Variants in ARHGAP31 observed in about 807,000 individuals in gnomAD.
ARHGAP31 encodes the protein Rho GTPase activating protein 31, also known as rho GTPase-activating protein 31.
A neutral mutation model predicts 113.9 loss-of-function variants in ARHGAP31; 34 were observed. That is an observed-to-expected ratio of 0.30 (90% CI 0.23 to 0.40). The LOEUF (loss-of-function observed/expected upper bound fraction) is 0.40, where lower values mean the gene tolerates loss of function less well. Among genes scored for constraint, ARHGAP31 ranks in the 10% least tolerant of loss-of-function variants. The pLI, the probability that ARHGAP31 is intolerant of heterozygous loss-of-function variation, is 1.00. For missense variants in ARHGAP31, 1,548 were observed against 1,767.1 expected, an observed-to-expected ratio of 0.88 and a Z score of 2.22; for synonymous variants, 650 against 684.8, an observed-to-expected ratio of 0.95 and a Z score of 0.79.
intron 6 of ARHGAP31, among the ~76,000 whole-genome samples, chr3:119,388,753 C>G (rs2080476921): frequency 6.6e-6 from 1 of 152,110 alleles, no homozygotes; most frequent in South Asian, 2.1e-4. Context: ...AGCTTGGGCA[C>G]TGGGTGGTCC....
chr3:119,393,416 C>T (rs2080521958), intron 7 of ARHGAP31, 51 bp from the exon 8 acceptor site: 7 of 1,611,090 alleles, frequency 4.3e-6, no homozygotes, highest in Admixed American at 1.7e-5. Flanking sequence ...TTAAAAGTCC[C>T]CTTGAAATGA....
chr3:119,377,927 C>G (rs1373296603), intron 3 of ARHGAP31, among the ~76,000 whole-genome samples: 1 of 152,064 alleles, frequency 6.6e-6, no homozygotes, highest in Non-Finnish European at 1.5e-5. Context: ...CGTTGGGCCA[C>G]CCTGGTGACA....
At chr3:119,360,368 T>C (rs970234939) in intron 1 of ARHGAP31, among the ~76,000 whole-genome samples, 1 of 151,968 alleles carries the variant, frequency 6.6e-6, no homozygotes. Context: ...GATGGGGGAG[T>C]GCCTGTTTCC....
At chr3:119,336,066 T>A (rs1275261240) in intron 1 of ARHGAP31, among the ~76,000 whole-genome samples, 2 of 152,026 alleles carry the variant, frequency 1.3e-5, no homozygotes, top group Non-Finnish European at 2.9e-5. Context: ...TCCCAGCTAC[T>A]CTGGAGGATG....
At chr3:119,328,220 C>A (rs914518053) in intron 1 of ARHGAP31, among the ~76,000 whole-genome samples, 8 of 152,112 alleles carry the variant, frequency 5.3e-5, no homozygotes, top group Admixed American at 1.3e-4. Context: ...CCAAGTATAG[C>A]AGATTACTTG....
At chr3:119,362,947 G>C (rs950702328) in intron 1 of ARHGAP31, among the ~76,000 whole-genome samples, 16 of 152,248 alleles carry the variant, frequency 1.1e-4, no homozygotes, top group Admixed American at 1.0e-3. Context: ...GGTCATTGTG[G>C]AATGCTTCTT....
chr3:119,377,932 G>A (rs1272940162), intron 3 of ARHGAP31, among the ~76,000 whole-genome samples: 1 of 152,136 alleles, frequency 6.6e-6, no homozygotes, highest in Non-Finnish European at 1.5e-5. Context: ...GGCCACCCTG[G>A]TGACAGGGCT....
chr3:119,298,821 AT>A (rs2079555565), intron 1 of ARHGAP31: 1 of 193,448 alleles, frequency 5.2e-6, no homozygotes, highest in East Asian at 1.3e-4. Context: ...TGTCAGGGAC[AT>A]TTCTGAAGCA....
At chr3:119,351,731 C>T (rs544049762) in intron 1 of ARHGAP31, among the ~76,000 whole-genome samples, 1 of 152,278 alleles carries the variant, frequency 6.6e-6, no homozygotes, top group African/African-American at 2.4e-5. Context: ...TTGCTTCTCT[C>T]TCATTAATCT....
intron 1 of ARHGAP31, among the ~76,000 whole-genome samples, chr3:119,297,859 C>T (rs2079546193): frequency 1.3e-5 from 2 of 151,632 alleles, no homozygotes; most frequent in Non-Finnish European, 2.9e-5. Flanking sequence ...GGCCAGTTGT[C>T]AACCTTAATC....
intron 1 of ARHGAP31, among the ~76,000 whole-genome samples, chr3:119,364,746 C>T (rs2080239057): frequency 6.6e-6 from 1 of 152,166 alleles, no homozygotes; most frequent in Non-Finnish European, 1.5e-5. Flanking sequence ...TGTCCAAGCT[C>T]ACCACTGGTC....
chr3:119,372,579 G>A (rs899273248), intron 3 of ARHGAP31, among the ~76,000 whole-genome samples: 14 of 151,912 alleles, frequency 9.2e-5, no homozygotes, highest in Non-Finnish European at 1.5e-4. Flanking sequence ...CACCGCACCC[G>A]GCCTATTTTT....
At chr3:119,406,566 CT>C (rs566332873) in intron 10 of ARHGAP31, among the ~76,000 whole-genome samples, 126 of 152,330 alleles carry the variant, frequency 8.3e-4, no homozygotes, top group African/African-American at 2.3e-3. Flanking sequence ...GAGTCCATAG[CT>C]TTGTGAGCCT....
intron 1 of ARHGAP31, among the ~76,000 whole-genome samples, chr3:119,307,382 G>A (rs187006014): frequency 3.3e-5 from 5 of 152,242 alleles, no homozygotes; most frequent in African/African-American, 4.8e-5. Flanking sequence ...AAATCTTACC[G>A]TGTTTCAGCC....
At chr3:119,368,274 A>C in intron 2 of ARHGAP31, 98 bp from the exon 3 acceptor site, 2 of 1,459,390 alleles carry the variant, frequency 1.4e-6, no homozygotes, top group Non-Finnish European at 1.9e-6. Context: ...AGTCAGAATC[A>C]GCAGTTTAGG....
Position 119,419,030 on chromosome 3 carries a change from C to T in ARHGAP31, c.*2766C>T, listed in dbSNP as rs1301561471. On this transcript the variant is annotated 3_prime_UTR_variant, in exon 12 of 12. Coordinates refer to ENST00000264245, the MANE Select transcript of ARHGAP31 (RefSeq NM_020754.4). ...CCCACAAATTGTTCCCCCAAATGCT[C>T]TGGGATTACCTATTTCACCACTCAT... The T allele has an allele frequency of 6.6e-6, 1 of 152,158 alleles. No homozygotes were observed. Among genetic ancestry groups the T allele is most frequent in the Non-Finnish European group, 1.5e-5 (1 of 68,188 alleles). The allele number at this position is 152,158 out of a possible 1,614,324, so 9.4% of individuals were successfully genotyped here.
intron 1 of ARHGAP31, among the ~76,000 whole-genome samples, chr3:119,327,795 C>CAT (rs1440523716): frequency 1.3e-5 from 2 of 152,188 alleles, no homozygotes; most frequent in African/African-American, 4.8e-5. Context: ...GAGCCTAGAA[C>CAT]AATATTGGAT....
chr3:119,333,752 C>T (rs562416766), intron 1 of ARHGAP31, among the ~76,000 whole-genome samples: 20 of 152,294 alleles, frequency 1.3e-4, no homozygotes, highest in South Asian at 6.2e-4. Flanking sequence ...CCGACTCTCA[C>T]CGTTTTATTC....
intron 1 of ARHGAP31, 116 bp from the exon 2 acceptor site, chr3:119,365,198 CAT>C (rs2080243261): frequency 1.3e-6 from 1 of 783,880 alleles, no homozygotes; most frequent in Admixed American, 2.1e-5. Context: ...ACTTGTAAGT[CAT>C]ATGAGTTCCA....
Sources: allele counts gnomAD v4.1 joint callset (sites outside exome capture counted in the v4.1 genomes callset), GRCh38; gene constraint gnomAD v4.1.1; transcripts MANE v1.5; gene names NCBI Gene and HGNC (gene_info 2026-07-23, HGNC 2026-07-21).